The following GPM6A variants were observed in gnomAD, a reference collection of about 807,000 sequenced individuals.
The protein encoded by GPM6A is neuronal membrane glycoprotein M6-a.
A neutral mutation model predicts 32.1 loss-of-function variants in GPM6A; 7 were observed. The ratio of observed to expected loss-of-function variants is 0.22; its 90% confidence interval spans 0.12 to 0.41. The LOEUF (loss-of-function observed/expected upper bound fraction) is 0.41. Ranked by LOEUF, GPM6A falls within the 10% of genes least tolerant of loss-of-function variation. The pLI, the probability that GPM6A is intolerant of heterozygous loss-of-function variation, is 1.00. For synonymous variants in GPM6A, 130 were observed against 123.4 expected (o/e 1.05, Z -0.35); for missense variants, 235 against 347.2 (o/e 0.68, Z 2.57).
intron 3 of GPM6A, among the ~76,000 whole-genome samples, chr4:175,653,387 C>T (rs1279893409): frequency 1.3e-5 from 2 of 152,078 alleles, no homozygotes; most frequent in Non-Finnish European, 2.9e-5. Context: ...TGTTTTATCT[C>T]ATCTCAACTC....
At chr4:175,973,704 G>T (rs963947484) in intron 1 of GPM6A, among the ~76,000 whole-genome samples, 12 of 152,310 alleles carry the variant, frequency 7.9e-5, no homozygotes, top group Admixed American at 3.9e-4. Flanking sequence ...CTCAGTGGAG[G>T]TGCTAATGAG....
At chr4:175,971,162 G>A (rs537128659) in intron 1 of GPM6A, among the ~76,000 whole-genome samples, 7 of 151,840 alleles carry the variant, frequency 4.6e-5, no homozygotes, top group Admixed American at 3.9e-4. Context: ...AGATTTTCTA[G>A]AGCCCTAATA....
intron 1 of GPM6A, among the ~76,000 whole-genome samples, chr4:175,726,055 C>T (rs13136242): frequency 0.36 from 52,048 of 144,942 alleles, 11,374 homozygotes; most frequent in Non-Finnish European, 0.49. Context: ...TGCAGTGGCG[C>T]GATCTCGGCT....
chr4:175,975,399 C>T (rs1320852403), intron 1 of GPM6A, among the ~76,000 whole-genome samples: 1 of 152,164 alleles, frequency 6.6e-6, no homozygotes, highest in Non-Finnish European at 1.5e-5. Context: ...CCTTTCTTCC[C>T]CATTAGCCTG....
intron 4 of GPM6A, chr4:175,641,052 A>C (rs1741113290): frequency 2.0e-6 from 1 of 509,886 alleles, no homozygotes; most frequent in South Asian, 2.5e-5. Context: ...AAATAATTTC[A>C]ATCTGAATTC....
chr4:175,916,056 TCTC>T (rs906824544), intron 1 of GPM6A, among the ~76,000 whole-genome samples: 1 of 152,184 alleles, frequency 6.6e-6, no homozygotes, highest in Non-Finnish European at 1.5e-5. Flanking sequence ...AGTGTGTTAT[TCTC>T]CTATCTCCAC....
chr4:175,846,222 T>A (rs1403423265), intron 1 of GPM6A, among the ~76,000 whole-genome samples: 2 of 152,126 alleles, frequency 1.3e-5, no homozygotes, highest in Non-Finnish European at 2.9e-5. Context: ...ATAGGCTTAT[T>A]TGATAATCTG....
intron 1 of GPM6A, among the ~76,000 whole-genome samples, chr4:175,992,630 C>T (rs1447457969): frequency 2.0e-5 from 3 of 152,104 alleles, no homozygotes; most frequent in African/African-American, 4.8e-5. Flanking sequence ...TCTCCTGACT[C>T]CTAGTGTAGT....
chr4:175,808,060 T>A (rs1163713955), intron 1 of GPM6A, among the ~76,000 whole-genome samples: 1 of 152,224 alleles, frequency 6.6e-6, no homozygotes, highest in Non-Finnish European at 1.5e-5. Flanking sequence ...CAATATTTCC[T>A]AGTCTCCTAC....
At chr4:175,734,158 A>T (rs2581747) in intron 1 of GPM6A, among the ~76,000 whole-genome samples, 10,298 of 87,032 alleles carry the variant, frequency 0.12, 713 homozygotes, top group East Asian at 0.63. Flanking sequence ...ATATATATAT[A>T]TATTTTTTAA....
At chr4:175,971,930 T>C (rs1740515062) in intron 1 of GPM6A, 1 of 152,164 alleles carries the variant, frequency 6.6e-6, no homozygotes, top group Admixed American at 6.5e-5. Flanking sequence ...GAAACAGTTA[T>C]TTCCTTGGCC....
intron 1 of GPM6A, among the ~76,000 whole-genome samples, chr4:175,928,446 C>G (rs1738919498): frequency 6.6e-6 from 1 of 152,190 alleles, no homozygotes; most frequent in Non-Finnish European, 1.5e-5. Flanking sequence ...TAAATGGTTT[C>G]ATAACAAGCA....
At chr4:175,846,299 T>C (rs1736085288) in intron 1 of GPM6A, among the ~76,000 whole-genome samples, 1 of 152,180 alleles carries the variant, frequency 6.6e-6, no homozygotes, top group South Asian at 2.1e-4. Context: ...CCAAATTTTG[T>C]ACACGTTTTT....
chr4:175,748,745 C>A (rs1732202397), intron 1 of GPM6A, among the ~76,000 whole-genome samples: 1 of 152,142 alleles, frequency 6.6e-6, no homozygotes, highest in South Asian at 2.1e-4. Flanking sequence ...ACTTTGAAGC[C>A]AGGCATTGAC....
intron 1 of GPM6A, among the ~76,000 whole-genome samples, chr4:175,983,483 T>C (rs888178662): frequency 6.6e-6 from 1 of 152,198 alleles, no homozygotes; most frequent in African/African-American, 2.4e-5. Flanking sequence ...AAGAAATTTA[T>C]CGTGAATGGA....
intron 1 of GPM6A, among the ~76,000 whole-genome samples, chr4:175,910,560 A>G (rs868705269): frequency 6.6e-6 from 1 of 152,172 alleles, no homozygotes; most frequent in Non-Finnish European, 1.5e-5. Context: ...ACCACAGGAC[A>G]TGGAATATAT....
intron 4 of GPM6A, among the ~76,000 whole-genome samples, chr4:175,645,857 A>C (rs994859569): frequency 1.3e-5 from 2 of 152,234 alleles, no homozygotes; most frequent in African/African-American, 4.8e-5. Flanking sequence ...CTTAAATTTA[A>C]AAATAATTTA....
intron 1 of GPM6A, among the ~76,000 whole-genome samples, chr4:175,971,356 G>A (rs1740497033): frequency 6.6e-6 from 1 of 151,890 alleles, no homozygotes; most frequent in South Asian, 2.1e-4. Flanking sequence ...CATATTTTCT[G>A]ATCATATTTA....
chr4:175,709,238 TCTC>T (rs1317394361), intron 1 of GPM6A, among the ~76,000 whole-genome samples: 1 of 151,696 alleles, frequency 6.6e-6, no homozygotes, highest in Non-Finnish European at 1.5e-5. Context: ...TCCTCCCTCT[TCTC>T]CTCCTCTCTC....
Sources: gnomAD v4.1 joint callset for allele counts (sites outside exome capture counted in the v4.1 genomes callset) on GRCh38, gnomAD v4.1.1 for gene constraint, MANE v1.5 for transcripts, NCBI Gene and HGNC (gene_info 2026-07-23, HGNC 2026-07-21) for gene names.